KLF15: variants seen among roughly 807,000 people sequenced by gnomAD.
KLF15 encodes KLF transcription factor 15.
In KLF15, 4 loss-of-function variants were observed where a neutral mutation model predicts 24.6. The observed-to-expected ratio is 0.16, with a 90% confidence interval of 0.08 to 0.37. KLF15 has a LOEUF of 0.37. Ranked by LOEUF, KLF15 falls within the 10% of genes least tolerant of loss-of-function variation. The probability of loss-of-function intolerance (pLI) is 1.00; values close to 1 mark genes in which losing one functional copy is unlikely to be tolerated. For missense variants in KLF15, 496 were observed against 560.6 expected, an observed-to-expected ratio of 0.88 and a Z score of 1.16; for synonymous variants, 246 against 236.3, an observed-to-expected ratio of 1.04 and a Z score of -0.37.
chr3:126,324,926 A>T, the KLF15 span, among the ~76,000 whole-genome samples: 2,883 of 103,296 alleles, frequency 0.028, 168 homozygotes, highest in African/African-American at 0.11. Flanking sequence ...GTCATCTAGC[A>T]TTAGGTATAT....
the KLF15 span, among the ~76,000 whole-genome samples, chr3:126,302,577 G>A: frequency 1.3e-5 from 2 of 152,096 alleles, no homozygotes; most frequent in East Asian, 1.9e-4. Flanking sequence ...GTTATTAGGT[G>A]CACAAATGTT....
intron 2 of KLF15, 27 bp downstream of exon 2, chr3:126,351,814 C>G (rs1423585105): frequency 1.3e-6 from 2 of 1,599,338 alleles, no homozygotes; most frequent in African/African-American, 2.7e-5. Context: ...GTGCTCACTG[C>G]CCAGGCCTGT....
chr3:126,346,229 T>C (rs2082534928), intron 2 of KLF15, among the ~76,000 whole-genome samples: 1 of 152,160 alleles, frequency 6.6e-6, no homozygotes, highest in South Asian at 2.1e-4. Flanking sequence ...GCAGAGGAGC[T>C]GGCCCAGGGC....
At chr3:126,348,600 C>T (rs551393466) in intron 2 of KLF15, among the ~76,000 whole-genome samples, 15 of 152,228 alleles carry the variant, frequency 9.9e-5, no homozygotes, top group Non-Finnish European at 1.9e-4. Context: ...TTGGTGCCTA[C>T]ACTTTACCAG....
the KLF15 span, among the ~76,000 whole-genome samples, chr3:126,294,804 C>T: frequency 1.3e-5 from 2 of 151,862 alleles, no homozygotes; most frequent in African/African-American, 4.8e-5. Flanking sequence ...GAAGAAACCT[C>T]CCTGTCAGAG....
At chr3:126,343,985 C>T (rs1339057693) in intron 2 of KLF15, 90 bp from the exon 3 acceptor site, 1 of 1,363,712 alleles carries the variant, frequency 7.3e-7, no homozygotes, top group Non-Finnish European at 9.8e-7. Context: ...AAGGCGTGCA[C>T]CTGGCACTCA....
chr3:126,344,064 A>G (rs1258968715), intron 2 of KLF15, among the ~76,000 whole-genome samples, 169 bp from the exon 3 acceptor site: 1 of 152,194 alleles, frequency 6.6e-6, no homozygotes, highest in Non-Finnish European at 1.5e-5. Flanking sequence ...CTACGTCGGT[A>G]AGGCTATACC....
chr3:126,352,942 T>G lies in KLF15; in HGVS notation c.-20A>C. ...CACCATGCTGGCCTGGCCGTGCCGGTGGCGGCTGCAGGAAAGGAACACAGG... is the reference window on the plus strand; with the variant it reads ...CACCATGCTGGCCTGGCCGTGCCGGGGGCGGCTGCAGGAAAGGAACACAGG... On this transcript the variant is annotated 5_prime_UTR_variant, in exon 2 of 3. Transcript: ENST00000296233. 3 of 1,576,594 alleles carry G rather than the reference T, an allele frequency of 1.9e-6. No homozygotes were observed. Among genetic ancestry groups the G allele is most frequent in the Non-Finnish European group, 2.6e-6 (3 of 1,160,070 alleles).
At chr3:126,298,952 C>T in the KLF15 span, among the ~76,000 whole-genome samples, 1 of 152,012 alleles carries the variant, frequency 6.6e-6, no homozygotes, top group Non-Finnish European at 1.5e-5. Flanking sequence ...TATGCAGGCT[C>T]TTTTTTGGTT....
At chr3:126,329,578 C>T in the KLF15 span, among the ~76,000 whole-genome samples, 1 of 152,100 alleles carries the variant, frequency 6.6e-6, no homozygotes, top group Non-Finnish European at 1.5e-5. Flanking sequence ...GCAATCTCCC[C>T]ACCTCTACCA....
intron 2 of KLF15, among the ~76,000 whole-genome samples, chr3:126,346,605 G>A (rs1280303221): frequency 6.6e-6 from 1 of 152,196 alleles, no homozygotes; most frequent in Non-Finnish European, 1.5e-5. Flanking sequence ...AGGACAGGCA[G>A]ATGAGATAGA....
the KLF15 span, among the ~76,000 whole-genome samples, chr3:126,298,418 C>A: frequency 1.8e-5 from 2 of 111,012 alleles, no homozygotes; most frequent in Non-Finnish European, 4.1e-5. Flanking sequence ...GTTTACTCTG[C>A]TGATTATTAT....
the KLF15 span, among the ~76,000 whole-genome samples, chr3:126,329,759 GAA>G: frequency 0.022 from 2,671 of 120,600 alleles, 71 homozygotes; most frequent in African/African-American, 0.07. Flanking sequence ...TCCCCATACA[GAA>G]AAAAAAAAAA....
chr3:126,342,250 T>C (rs994806963), downstream of KLF15, among the ~76,000 whole-genome samples: 2 of 152,042 alleles, frequency 1.3e-5, no homozygotes, highest in East Asian at 3.9e-4. Context: ...AGCAAACATA[T>C]AGGGCATGTG....
At chr3:126,317,190 A>G in the KLF15 span, among the ~76,000 whole-genome samples, 5 of 152,090 alleles carry the variant, frequency 3.3e-5, no homozygotes, top group Non-Finnish European at 7.4e-5. Flanking sequence ...CTACATCCCT[A>G]CTTCTATGCC....
chr3:126,312,747 C>A, the KLF15 span, among the ~76,000 whole-genome samples: 10 of 152,178 alleles, frequency 6.6e-5, no homozygotes, highest in Non-Finnish European at 1.0e-4. Flanking sequence ...CAGACATTTG[C>A]GTTTTCACAG....
downstream of KLF15, among the ~76,000 whole-genome samples, chr3:126,340,064 C>T (rs934691718): frequency 2.0e-5 from 3 of 152,234 alleles, no homozygotes; most frequent in Admixed American, 2.0e-4. Flanking sequence ...ACTCACCTGG[C>T]ACCACCAGAC....
chr3:126,303,995 T>A, the KLF15 span, among the ~76,000 whole-genome samples: 40 of 152,228 alleles, frequency 2.6e-4, no homozygotes, highest in Non-Finnish European at 2.8e-4. Flanking sequence ...AGAATGCAAC[T>A]ATAAATGTTT....
At chr3:126,308,241 C>T in the KLF15 span, among the ~76,000 whole-genome samples, 1 of 152,154 alleles carries the variant, frequency 6.6e-6, no homozygotes, top group Admixed American at 6.5e-5. Context: ...CCGGTTGAGT[C>T]CAGCACAACC....
Sources: allele counts gnomAD v4.1 joint callset (sites outside exome capture counted in the v4.1 genomes callset), GRCh38; gene constraint gnomAD v4.1.1; transcripts MANE v1.5; gene names NCBI Gene and HGNC (gene_info 2026-07-23, HGNC 2026-07-21).